Variants in PPFIBP1 observed in about 807,000 individuals in gnomAD.
The protein encoded by PPFIBP1 is liprin-beta-1.
PPFIBP1 carries 112 observed loss-of-function variants against 137.8 expected under a neutral mutation model. That is an observed-to-expected ratio of 0.81 (90% CI 0.70 to 0.95). The LOEUF is 0.95. Among genes scored for constraint, PPFIBP1 ranks in the 40% least tolerant of loss-of-function variants. The pLI is 0.00. For synonymous variants in PPFIBP1, 378 were observed against 417.3 expected, an observed-to-expected ratio of 0.91 and a Z score of 1.15; for missense variants, 1,083 against 1,196.6, an observed-to-expected ratio of 0.91 and a Z score of 1.40.
chr12:27,589,196 C>A (rs1026643257), intron 2 of PPFIBP1, among the ~76,000 whole-genome samples: 3 of 152,136 alleles, frequency 2.0e-5, no homozygotes, highest in Non-Finnish European at 4.4e-5. Flanking sequence ...TTAACTGTTC[C>A]TTCAAAATTG....
chr12:27,573,601 T>C (rs1402698354), intron 1 of PPFIBP1, among the ~76,000 whole-genome samples: 1 of 152,074 alleles, frequency 6.6e-6, no homozygotes, highest in Non-Finnish European at 1.5e-5. Context: ...AAAGACAAGA[T>C]GTGGAAGGTC....
rs541987430 is a variant in PPFIBP1, at chr12:27,640,285, G to C, written c.270+5170G>C. ...TCCTTTGGGAAAGTGAGTTAAGAAA[G>C]AAAATGTGACAAGAACAATAGGGAC... On this transcript the variant is annotated intron_variant, in intron 4 of 29. Transcript: ENST00000228425. Among the ~76,000 whole-genome samples, 58 of 152,274 alleles carry C rather than the reference G, an allele frequency of 3.8e-4. 1 individual carries two copies. In the South Asian group the frequency reaches 6.8e-3, roughly 18 times the overall value.
chr12:27,595,882 AC>A (rs879917102), intron 2 of PPFIBP1, among the ~76,000 whole-genome samples: 36,855 of 88,524 alleles, frequency 0.42, 5,418 homozygotes, highest in Middle Eastern at 0.47. Flanking sequence ...AACAACAACA[AC>A]AAAATATATA....
intron 19 of PPFIBP1, chr12:27,678,142 G>A (rs1459446400): frequency 2.0e-5 from 3 of 152,148 alleles, no homozygotes. Context: ...CTGAAACACT[G>A]TTCTTGTGAT....
At position 27,680,040 on chromosome 12, in the gene PPFIBP1, G is replaced by C. The variant is rs142422262; in HGVS notation, c.1874G>C (p.Arg625Pro). 3.0e-5 allele frequency: 48 copies of C among 1,613,944 alleles called. No individual in the cohort carries two copies. Among genetic ancestry groups the C allele is most frequent in the Non-Finnish European group, 3.7e-5 (44 of 1,179,960 alleles). Residue 625 changes from arginine to proline, a missense_variant, in exon 21 of 30, where the codon CGA becomes CCA. By Grantham distance (103) the Arg-to-Pro change is moderately radical. Coordinates refer to ENST00000228425, the MANE Select transcript of PPFIBP1 (RefSeq NM_003622.4). ...ATAGPRLGWSRDLGQSNSDLD... is the reference protein window; with the variant it reads ...ATAGPRLGWSPDLGQSNSDLD... Reference sequence around the variant, plus strand: ...GCGGGGCCCCGATTAGGTTGGTCTCGAGACTTGGGACAGTCTAACAGGTAA... The same window carrying C: ...GCGGGGCCCCGATTAGGTTGGTCTCCAGACTTGGGACAGTCTAACAGGTAA...
intron 8 of PPFIBP1, among the ~76,000 whole-genome samples, chr12:27,656,180 A>G (rs1593174363): frequency 6.6e-6 from 1 of 152,242 alleles, no homozygotes; most frequent in Non-Finnish European, 1.5e-5. Flanking sequence ...TTGTCAAGGA[A>G]GCATGAGTGC....
chr12:27,662,899 A>C (rs924581986), intron 11 of PPFIBP1, among the ~76,000 whole-genome samples: 1 of 152,256 alleles, frequency 6.6e-6, no homozygotes, highest in African/African-American at 2.4e-5. Context: ...TTGATGTGTC[A>C]GTTAGCTTTT....
intron 28 of PPFIBP1, among the ~76,000 whole-genome samples, chr12:27,692,334 C>T (rs753911388): frequency 7.2e-5 from 11 of 152,248 alleles, no homozygotes; most frequent in Middle Eastern, 3.4e-3. Flanking sequence ...GTCGTGGGAC[C>T]GCATATTTCC....
At chr12:27,595,473 A>G (rs545822295) in intron 2 of PPFIBP1, among the ~76,000 whole-genome samples, 130 of 152,348 alleles carry the variant, frequency 8.5e-4, no homozygotes, top group African/African-American at 3.0e-3. Flanking sequence ...GGCAACAGAA[A>G]GACCTGAATT....
rs1306251479 is a variant in PPFIBP1 at position 27,688,298 on chromosome 12, A to T, written c.2371A>T (p.Asn791Tyr). The part of the protein sequence containing the change: ...NCLRRRPSDE[N>Y]TIAPSEVQKW... The stretch of plus-strand genomic sequence containing the variant: ...GGATCCTGGTTGTGTGTTCCCATAG[A>T]ATACCATCGCCCCATCAGAAGTTCA... The change falls in exon 26 of 30, where the codon AAT becomes TAT. Residue 791 changes from asparagine to tyrosine, a missense_variant and splice_region_variant. By Grantham distance (143) the Asn-to-Tyr change is moderately radical. Transcript: ENST00000228425. 6.2e-7 allele frequency: 1 copy of T among 1,613,460 alleles called. No homozygotes were observed. The highest frequency in any genetic ancestry group is 1.1e-5 in the South Asian group (1 of 90,890).
chr12:27,554,883 C>T (rs530134068), intron 1 of PPFIBP1, among the ~76,000 whole-genome samples: 2 of 151,768 alleles, frequency 1.3e-5, no homozygotes, highest in Non-Finnish European at 2.9e-5. Context: ...GTGTCCCCTT[C>T]GGAGTGGTTT....
intron 1 of PPFIBP1, among the ~76,000 whole-genome samples, chr12:27,575,139 A>G (rs1014110433): frequency 1.3e-5 from 2 of 152,234 alleles, no homozygotes; most frequent in African/African-American, 4.8e-5. Flanking sequence ...AACATTTTAT[A>G]CTTGTGGATC....
Position 27,624,487 on chromosome 12 carries a change from A to C in PPFIBP1, c.-35-8875A>C, listed in dbSNP as rs371449475. Among the ~76,000 whole-genome samples, 789 of 152,318 alleles carry C rather than the reference A, an allele frequency of 5.2e-3. 7 individuals are homozygous for C. The highest frequency in any genetic ancestry group is 0.018 in the African/African-American group (748 of 41,568). On this transcript the variant is annotated intron_variant, in intron 2 of 29. Transcript: ENST00000228425. ...AAAAGATCTTGGCTTATTGTATGAA[A>C]CTTTTCATCAACTCTCTTCTGGTTA...
intron 2 of PPFIBP1, among the ~76,000 whole-genome samples, chr12:27,618,698 G>A (rs1460789888): frequency 3.9e-5 from 6 of 152,160 alleles, no homozygotes; most frequent in African/African-American, 1.2e-4. Flanking sequence ...ATGTATAAAA[G>A]CAAGTTGTAG....
At chr12:27,641,428 A>G (rs1228608117) in intron 4 of PPFIBP1, among the ~76,000 whole-genome samples, 3 of 152,220 alleles carry the variant, frequency 2.0e-5, no homozygotes, top group Non-Finnish European at 2.9e-5. Context: ...GCATGATGTT[A>G]TAAGTAAAAA....
intron 6 of PPFIBP1, 93 bp from the exon 7 acceptor site, chr12:27,649,917 A>C: frequency 1.7e-6 from 2 of 1,159,790 alleles, no homozygotes; most frequent in Non-Finnish European, 1.2e-6. Context: ...CCTCTACTTG[A>C]TAGGTGCTGC....
At chr12:27,604,889 G>A (rs2054360830) in intron 2 of PPFIBP1, among the ~76,000 whole-genome samples, 1 of 152,206 alleles carries the variant, frequency 6.6e-6, no homozygotes, top group Non-Finnish European at 1.5e-5. Context: ...GGAGGAACAA[G>A]TCACATCTTA....
intron 2 of PPFIBP1, among the ~76,000 whole-genome samples, chr12:27,583,016 G>C (rs1200608240): frequency 2.0e-5 from 3 of 152,170 alleles, no homozygotes; most frequent in Non-Finnish European, 4.4e-5. Flanking sequence ...GCTTGACATA[G>C]TTAGGCTATT....
At chr12:27,569,290 A>G (rs1415578477) in intron 1 of PPFIBP1, among the ~76,000 whole-genome samples, 6 of 135,942 alleles carry the variant, frequency 4.4e-5, no homozygotes, top group Admixed American at 3.5e-4. Flanking sequence ...TATAAATAAT[A>G]CACACATTAT....
Sources: allele counts gnomAD v4.1 joint callset (sites outside exome capture counted in the v4.1 genomes callset), GRCh38; gene constraint gnomAD v4.1.1; transcripts MANE v1.5; gene names NCBI Gene and HGNC (gene_info 2026-07-23, HGNC 2026-07-21).